The following SIPA1L2 variants were observed in gnomAD, a reference collection of about 807,000 sequenced individuals.
The protein encoded by SIPA1L2 is signal induced proliferation associated 1 like 2, also known as signal-induced proliferation-associated 1-like protein 2.
SIPA1L2 carries 56 observed loss-of-function variants against 163.9 expected under a neutral mutation model. That is an observed-to-expected ratio of 0.34 (90% CI 0.28 to 0.43). SIPA1L2 has a LOEUF of 0.43. SIPA1L2 is among the 20% of genes least tolerant of loss of function. SIPA1L2 has a pLI of 1.00. For missense variants in SIPA1L2, 1,974 were observed against 2,193.5 expected, an observed-to-expected ratio of 0.90 and a Z score of 2.00; for synonymous variants, 877 against 865.7, an observed-to-expected ratio of 1.01 and a Z score of -0.23.
intron 10 of SIPA1L2, among the ~76,000 whole-genome samples, chr1:232,449,538 T>C (rs1175000463): frequency 7.7e-6 from 1 of 130,456 alleles, no homozygotes; most frequent in Non-Finnish European, 1.7e-5. Flanking sequence ...AAAAAAAAAA[T>C]TAAGGAAACT....
At chr1:232,477,901 T>A (rs1167092755) in intron 7 of SIPA1L2, among the ~76,000 whole-genome samples, 2 of 152,164 alleles carry the variant, frequency 1.3e-5, no homozygotes, top group Non-Finnish European at 1.5e-5. Context: ...TGGAAAGGCT[T>A]TGTGGTTTGA....
intron 15 of SIPA1L2, 61 bp from the exon 16 acceptor site, chr1:232,432,532 G>A: frequency 1.3e-6 from 2 of 1,505,268 alleles, no homozygotes; most frequent in South Asian, 1.2e-5. Context: ...CTGGCACACG[G>A]CCAAATTCAG....
intron 2 of SIPA1L2, among the ~76,000 whole-genome samples, chr1:232,525,550 C>A (rs1340985677): frequency 6.6e-6 from 1 of 152,106 alleles, no homozygotes; most frequent in Non-Finnish European, 1.5e-5. Flanking sequence ...GTCAACACAC[C>A]CGGCCAATAA....
At chr1:232,518,693 AT>A (rs1038225786) in intron 2 of SIPA1L2, among the ~76,000 whole-genome samples, 3 of 152,056 alleles carry the variant, frequency 2.0e-5, no homozygotes, top group African/African-American at 7.2e-5. Flanking sequence ...ACATACTCCC[AT>A]GGTGTCCTCT....
At chr1:232,620,536 C>T (rs1313438911) in intron 1 of SIPA1L2, among the ~76,000 whole-genome samples, 1 of 152,226 alleles carries the variant, frequency 6.6e-6, no homozygotes, top group Non-Finnish European at 1.5e-5. Flanking sequence ...TGCTCCACAG[C>T]TTATCTCAGA....
chr1:232,580,735 G>T (rs1447956162), intron 1 of SIPA1L2, among the ~76,000 whole-genome samples: 1 of 152,038 alleles, frequency 6.6e-6, no homozygotes, highest in Non-Finnish European at 1.5e-5. Flanking sequence ...GACAAAGGAG[G>T]GCCTTAGAGA....
chr1:232,617,930 ACTCT>A (rs1368300447), intron 1 of SIPA1L2, among the ~76,000 whole-genome samples: 1 of 41,872 alleles, frequency 2.4e-5, no homozygotes, highest in Non-Finnish European at 4.9e-5. Context: ...TGTGCAACTT[ACTCT>A]GAAATGCATC....
At chr1:232,504,647 T>C (rs1319346257) in intron 3 of SIPA1L2, among the ~76,000 whole-genome samples, 4 of 152,180 alleles carry the variant, frequency 2.6e-5, no homozygotes, top group East Asian at 1.9e-4. Context: ...TTGAAAAACA[T>C]AGATTTTTGT....
At chr1:232,615,209 C>T (rs936044962) in intron 1 of SIPA1L2, among the ~76,000 whole-genome samples, 1 of 152,234 alleles carries the variant, frequency 6.6e-6, no homozygotes, top group Non-Finnish European at 1.5e-5. Flanking sequence ...GGTGCACTGA[C>T]CACAGCACTT....
chr1:232,507,060 T>C (rs928148476), intron 3 of SIPA1L2, among the ~76,000 whole-genome samples: 5 of 152,240 alleles, frequency 3.3e-5, no homozygotes, highest in African/African-American at 9.6e-5. Context: ...CTAATGTCCA[T>C]ACTTTATTCA....
chr1:232,628,720 A>G (rs1663210461), intron 1 of SIPA1L2, among the ~76,000 whole-genome samples: 1 of 152,218 alleles, frequency 6.6e-6, no homozygotes, highest in Non-Finnish European at 1.5e-5. Flanking sequence ...AACACTAGAA[A>G]AATTACAACC....
intron 9 of SIPA1L2, chr1:232,462,172 G>T: frequency 6.7e-7 from 1 of 1,487,304 alleles, no homozygotes; most frequent in Non-Finnish European, 9.2e-7. Flanking sequence ...CACCACTAAT[G>T]CAGCCCTCAA....
intron 12 of SIPA1L2, among the ~76,000 whole-genome samples, chr1:232,443,034 A>G (rs1371016050): frequency 6.6e-6 from 1 of 152,208 alleles, no homozygotes; most frequent in African/African-American, 2.4e-5. Flanking sequence ...ACCAAGTCAC[A>G]GTGGCCCCAG....
At chr1:232,603,835 T>TCTTCTAGGCCCCAATAGAAACTATC (rs1231991189) in intron 1 of SIPA1L2, among the ~76,000 whole-genome samples, 8 of 152,148 alleles carry the variant, frequency 5.3e-5, no homozygotes, top group Non-Finnish European at 7.3e-5. Context: ...TGAGACCATT[T>TCTTCTAGGCCCCAATAGAAACTATC]CTTCTAGGCC....
intron 1 of SIPA1L2, among the ~76,000 whole-genome samples, chr1:232,584,388 C>A (rs562284737): frequency 6.6e-6 from 1 of 152,188 alleles, no homozygotes; most frequent in Non-Finnish European, 1.5e-5. Context: ...CCACGCCCAG[C>A]GAATTTTTGC....
chr1:232,608,368 G>A (rs1235845890), intron 1 of SIPA1L2, among the ~76,000 whole-genome samples: 1 of 152,150 alleles, frequency 6.6e-6, no homozygotes, highest in East Asian at 1.9e-4. Context: ...CCTCTTGAGA[G>A]GAATGGGCAG....
At position 232,515,822 on chromosome 1, in the gene SIPA1L2, C is replaced by A. The variant is rs561539223; in HGVS notation, c.-269-214G>T. ...ACCATACAATCAGGTATTAACTCAT[C>A]TAAGAAACTTTCCTAGGATGTCTCC... is the stretch of plus-strand genomic sequence containing the variant. On this transcript the variant is annotated intron_variant, in intron 2 of 22. Transcript: ENST00000674635. 1.7e-3 allele frequency among the ~76,000 whole-genome samples: 256 copies of A among 152,348 alleles called. 3 individuals carry two copies. Among genetic ancestry groups the A allele is most frequent in the African/African-American group, 6.1e-3 (255 of 41,574 alleles).
At chr1:232,453,234 C>A (rs970859255) in intron 10 of SIPA1L2, among the ~76,000 whole-genome samples, 1 of 151,986 alleles carries the variant, frequency 6.6e-6, no homozygotes, top group African/African-American at 2.4e-5. Context: ...GGGGAAGAGT[C>A]CTAAGGGAAT....
At chr1:232,528,579 C>T (rs1464195666) in intron 2 of SIPA1L2, among the ~76,000 whole-genome samples, 1 of 152,214 alleles carries the variant, frequency 6.6e-6, no homozygotes, top group Non-Finnish European at 1.5e-5. Flanking sequence ...CTCTCCTCTT[C>T]ATCCTTCTTA....
Sources: allele counts gnomAD v4.1 joint callset (sites outside exome capture counted in the v4.1 genomes callset), GRCh38; gene constraint gnomAD v4.1.1; transcripts MANE v1.5; gene names NCBI Gene and HGNC (gene_info 2026-07-23, HGNC 2026-07-21).